Variants in RHD observed in about 807,000 individuals in gnomAD.
The protein encoded by RHD is blood group Rh(D) polypeptide.
A neutral mutation model predicts 45.5 loss-of-function variants in RHD; 16 were observed. The ratio of observed to expected loss-of-function variants is 0.35; its 90% CI spans 0.24 to 0.53. RHD has a LOEUF of 0.53. RHD is among the 20% of genes least tolerant of loss of function. RHD has a pLI of 0.92. For missense variants in RHD, 306 were observed against 532.0 expected (o/e 0.58, Z 4.18); for synonymous variants, 131 against 217.5 (o/e 0.60, Z 3.50).
rs1471697978 is a variant in RHD, at chr1:25,306,168, T to C, written c.940-428T>C. ...CATCTTACAATGTCTGGAGGCGTTC[T>C]TGGTTGACACAGTGGGGTGAGGGCT... On this transcript the variant is annotated intron_variant, in intron 6 of 9. Transcript: ENST00000328664. Among the ~76,000 whole-genome samples, 4 of 131,772 alleles carry C rather than the reference T, an allele frequency of 3.0e-5. 2 individuals carry two copies. The highest frequency in any genetic ancestry group is 7.2e-5 in the Non-Finnish European group (4 of 55,770). 86.4% of individuals were successfully genotyped at this position (131,772 alleles called of 152,430 possible).
rs1170643792 is a variant in RHD, at chr1:25,297,777, C to T, written c.487-3169C>T. Among the ~76,000 whole-genome samples the T allele has an allele frequency of 1.1e-4, 15 of 131,802 alleles. 4 individuals are homozygous for T. Among genetic ancestry groups the T allele is most frequent in the East Asian group, 2.0e-4 (1 of 5,114 alleles). The allele number at this position is 131,802 out of a possible 152,430, so 86.5% of individuals were successfully genotyped here. The stretch of plus-strand genomic sequence containing the variant: ...AAAATGTCAGCAGAGCTTTCTTAGG[C>T]GGAATGAAGAGAATTCAGTGTAAGA... On this transcript the variant is annotated intron_variant, in intron 3 of 9. Transcript: ENST00000328664.
intron 8 of RHD, chr1:25,318,029 G>A (rs1316257644): frequency 3.8e-5 from 5 of 131,614 alleles, no homozygotes; most frequent in African/African-American, 1.3e-4. Flanking sequence ...TATATGCCAG[G>A]TGAAAATATG....
Position 25,310,358 on chromosome 1 carries a change from C to A in RHD, c.1073+3629C>A, listed in dbSNP as rs1466771308. ...GAAGAGAAAGAGAAATCTGAGCTGG[C>A]ATGCTCTTGCCCTCTCACTGTGTGA... is the stretch of plus-strand genomic sequence containing the variant. On this transcript the variant is annotated intron_variant, in intron 7 of 9. Transcript: ENST00000328664. Among the ~76,000 whole-genome samples the A allele has an allele frequency of 8.3e-5, 11 of 133,138 alleles. 2 individuals are homozygous for A. The highest frequency in any genetic ancestry group is 1.8e-4 in the Non-Finnish European group (10 of 55,964). The allele number at this position is 133,138 out of a possible 152,430, so 87.3% of individuals were successfully genotyped here. A position where few individuals can be genotyped will look rare whatever the true frequency, so the allele number is the denominator to read the frequency against.
At chr1:25,296,893 G>A (rs1312824430) in intron 3 of RHD, among the ~76,000 whole-genome samples, 1 of 129,468 alleles carries the variant, frequency 7.7e-6, no homozygotes, top group Non-Finnish European at 1.8e-5. Flanking sequence ...GCAGTCTCAG[G>A]AAGTATCTTT....
rs1420479911 is a variant in RHD at position 25,291,094 on chromosome 1, C to T, written c.486+303C>T. On this transcript the variant is annotated intron_variant, in intron 3 of 9. Transcript: ENST00000328664. ...TTGTTTGAGCCCAGGAGTTAGGGAC[C>T]GAGCTGGGCAACATAGCAAGACCTC... is the stretch of plus-strand genomic sequence containing the variant. Among the ~76,000 whole-genome samples the T allele has an allele frequency of 1.2e-4, 15 of 129,476 alleles. 4 individuals carry two copies. The highest frequency in any genetic ancestry group is 4.3e-3 in the Middle Eastern group (1 of 232). 84.9% of individuals were successfully genotyped at this position (129,476 alleles called of 152,430 possible).
At position 25,278,205 on chromosome 1, in the gene RHD, G is replaced by A. The variant is rs535115040; in HGVS notation, c.148+5510G>A. ...CTGTACTTGATGAAAAGAGTGGGGA[G>A]TTAAGGCTGGCTGCAGATGTATGAT... On this transcript the variant is annotated intron_variant, in intron 1 of 9. Transcript: ENST00000328664. 1.5e-5 allele frequency among the ~76,000 whole-genome samples: 2 copies of A among 129,866 alleles called. 1 individual carries two copies. Among genetic ancestry groups the A allele is most frequent in the Non-Finnish European group, 3.6e-5 (2 of 55,048 alleles). The allele number at this position is 129,866 out of a possible 152,430, so 85.2% of individuals were successfully genotyped here.
chr1:25,286,498 T>G (rs1221084527), intron 2 of RHD, among the ~76,000 whole-genome samples: 1 of 133,144 alleles, frequency 7.5e-6, no homozygotes, highest in Non-Finnish European at 1.8e-5. Flanking sequence ...CAAAAAACAG[T>G]TTTAGGGGCC....
At chr1:25,280,579 T>A (rs1641398488) in intron 1 of RHD, among the ~76,000 whole-genome samples, 1 of 125,108 alleles carries the variant, frequency 8.0e-6, no homozygotes, top group Non-Finnish European at 1.9e-5. Flanking sequence ...GTGCTAGGAT[T>A]ACAGACATAA....
At chr1:25,321,597 G>C (rs1644707642) in intron 8 of RHD, among the ~76,000 whole-genome samples, 1 of 126,182 alleles carries the variant, frequency 7.9e-6, no homozygotes, top group South Asian at 2.4e-4. Flanking sequence ...TTGAACCTGG[G>C]AGGCAGAGGC....
In RHD at chr1:25,310,328, TATAAG is replaced by T. The variant is rs1180383240; in HGVS notation, c.1073+3601_1073+3605del. 2.3e-5 allele frequency among the ~76,000 whole-genome samples: 3 copies of T among 132,762 alleles called. 1 individual carries two copies. Among genetic ancestry groups the T allele is most frequent in the Non-Finnish European group, 5.4e-5 (3 of 55,780 alleles). 87.1% of individuals were successfully genotyped at this position (132,762 alleles called of 152,430 possible). A position where few individuals can be genotyped will look rare whatever the true frequency, so the allele number is the denominator to read the frequency against. ...GTGAGGTATGATGGCACTGGTGACT[TATAAG>T]AAGAGAAAGAGAAATCTGAGCTGGC... On this transcript the variant is annotated intron_variant, in intron 7 of 9. Coordinates refer to ENST00000328664, the MANE Select transcript of RHD (RefSeq NM_016124.6).
At chr1:25,310,175 A>G (rs1438623884) in intron 7 of RHD, among the ~76,000 whole-genome samples, 1 of 132,900 alleles carries the variant, frequency 7.5e-6, no homozygotes, top group African/African-American at 2.5e-5. Flanking sequence ...TTTGTACATT[A>G]TATATGTGAT....
intron 1 of RHD, among the ~76,000 whole-genome samples, chr1:25,278,501 T>C (rs991398867): frequency 1.5e-5 from 2 of 131,782 alleles, no homozygotes; most frequent in African/African-American, 5.2e-5. Flanking sequence ...CTTCTGTTAG[T>C]TTCACCCAGG....
At chr1:25,297,890 T>G (rs1484118374) in intron 3 of RHD, among the ~76,000 whole-genome samples, 1 of 131,544 alleles carries the variant, frequency 7.6e-6, no homozygotes, top group Non-Finnish European at 1.8e-5. Flanking sequence ...GCTGCCAGAC[T>G]CAGGAGGGCA....
rs1207349656 is a variant in RHD at position 25,314,230 on chromosome 1, AT to A, written c.1074-2766del. Among the ~76,000 whole-genome samples the A allele has an allele frequency of 5.3e-5, 7 of 132,598 alleles. 2 individuals carry two copies. The highest frequency in any genetic ancestry group is 1.3e-4 in the African/African-American group (5 of 38,874). The allele number at this position is 132,598 out of a possible 152,430, so 87.0% of individuals were successfully genotyped here. A position where few individuals can be genotyped will look rare whatever the true frequency, so the allele number is the denominator to read the frequency against. Reference sequence around the variant, plus strand: ...TGTATAGAAGCTCCTTTTACTCCACATTTTGCCAACACTTGGTGTTTTCCTT... The same window carrying A: ...TGTATAGAAGCTCCTTTTACTCCACATTTGCCAACACTTGGTGTTTTCCTT... On this transcript the variant is annotated intron_variant, in intron 7 of 9. Transcript: ENST00000328664.
chr1:25,319,458 A>C (rs1239835596), intron 8 of RHD, among the ~76,000 whole-genome samples: 1 of 131,726 alleles, frequency 7.6e-6, no homozygotes, highest in African/African-American at 2.6e-5. Flanking sequence ...AAAAGATACA[A>C]AAATTAGCCA....
rs1454286410 is a variant in RHD at position 25,281,806 on chromosome 1, C to T, written c.149-2767C>T. ...CAGGTCCCATGGAGGTCCTTGGGGG[C>T]CTCCTATATCCTGGTGGTGTCAGGT... is the stretch of plus-strand genomic sequence containing the variant. On this transcript the variant is annotated intron_variant, in intron 1 of 9. Transcript: ENST00000328664. Among the ~76,000 whole-genome samples the T allele has an allele frequency of 4.0e-4, 53 of 132,578 alleles. 17 individuals are homozygous for T. The highest frequency in any genetic ancestry group is 1.6e-3 in the East Asian group (8 of 5,128). The allele number at this position is 132,578 out of a possible 152,430, so 87.0% of individuals were successfully genotyped here. A position where few individuals can be genotyped will look rare whatever the true frequency, so the allele number is the denominator to read the frequency against.
At chr1:25,301,402 A>G in intron 4 of RHD, 118 bp from the exon 5 acceptor site, 2 of 986,874 alleles carry the variant, frequency 2.0e-6, no homozygotes, top group East Asian at 2.3e-5. Flanking sequence ...TTCCCCATCT[A>G]ACTCTAAGTG....
At chr1:25,306,491 G>A in intron 6 of RHD, 105 bp from the exon 7 acceptor site, 1 of 1,082,320 alleles carries the variant, frequency 9.2e-7, no homozygotes, top group Non-Finnish European at 1.4e-6. Context: ...GAGCCTTAGT[G>A]CCCATCCCCC....
At chr1:25,311,674 A>C (rs1238653938) in intron 7 of RHD, among the ~76,000 whole-genome samples, 2 of 129,992 alleles carry the variant, frequency 1.5e-5, no homozygotes, top group East Asian at 2.0e-4. Flanking sequence ...CTAAGAGGGC[A>C]GAATGGTTTG....
Sources: gnomAD v4.1 joint callset for allele counts (sites outside exome capture counted in the v4.1 genomes callset) on GRCh38, gnomAD v4.1.1 for gene constraint, MANE v1.5 for transcripts, NCBI Gene and HGNC (gene_info 2026-07-23, HGNC 2026-07-21) for gene names.